The following PRKCA variants were observed in gnomAD, a reference collection of about 807,000 sequenced individuals.
The protein encoded by PRKCA is protein kinase C alpha.
A neutral mutation model predicts 87.0 loss-of-function variants in PRKCA; 27 were observed. The ratio of observed to expected loss-of-function variants is 0.31; its 90% CI spans 0.23 to 0.43. The LOEUF (loss-of-function observed/expected upper bound fraction) is 0.43, where lower values mean the gene tolerates loss of function less well. Among genes scored for constraint, PRKCA ranks in the 20% least tolerant of loss-of-function variants. The probability of loss-of-function intolerance (pLI) is 1.00; values close to 1 mark genes in which losing one functional copy is unlikely to be tolerated. For synonymous variants in PRKCA, 329 were observed against 311.1 expected (o/e 1.06, Z -0.61); for missense variants, 518 against 852.3 (o/e 0.61, Z 4.88).
intron 3 of PRKCA, among the ~76,000 whole-genome samples, chr17:66,499,237 C>A (rs537956133): frequency 1.3e-5 from 2 of 151,868 alleles, no homozygotes; most frequent in African/African-American, 4.8e-5. Flanking sequence ...CAGGAGAGAG[C>A]TCTAAGGAAC....
intron 5 of PRKCA, among the ~76,000 whole-genome samples, chr17:66,671,484 C>T (rs1311692379): frequency 6.6e-6 from 1 of 152,144 alleles, no homozygotes; most frequent in East Asian, 1.9e-4. Flanking sequence ...TTAATATGTC[C>T]AAGGTGCTGA....
At chr17:66,329,831 G>A (rs1324309755) in intron 2 of PRKCA, among the ~76,000 whole-genome samples, 7 of 152,138 alleles carry the variant, frequency 4.6e-5, no homozygotes, top group East Asian at 1.9e-4. Context: ...AACACACCCC[G>A]TCATTTATCT....
chr17:66,361,460 C>T (rs1309951072), intron 2 of PRKCA, among the ~76,000 whole-genome samples: 2 of 151,788 alleles, frequency 1.3e-5, no homozygotes, highest in South Asian at 2.1e-4. Flanking sequence ...TACAGGCACC[C>T]GCCACCACGC....
chr17:66,732,904 A>G, intron 9 of PRKCA, 79 bp downstream of exon 9: 2 of 1,509,656 alleles, frequency 1.3e-6, no homozygotes, highest in Non-Finnish European at 1.8e-6. Context: ...CGTAGTTTGC[A>G]GAATAGCACA....
At chr17:66,341,959 T>C (rs1907066107) in intron 2 of PRKCA, among the ~76,000 whole-genome samples, 2 of 152,214 alleles carry the variant, frequency 1.3e-5, no homozygotes. Context: ...GTCATAGATA[T>C]AAGTGGTTTG....
intron 2 of PRKCA, among the ~76,000 whole-genome samples, chr17:66,308,680 A>G (rs1377412985): frequency 6.6e-6 from 1 of 152,064 alleles, no homozygotes; most frequent in Non-Finnish European, 1.5e-5. Flanking sequence ...TCTCATCTGT[A>G]TTTGACTTCT....
intron 2 of PRKCA, among the ~76,000 whole-genome samples, chr17:66,479,639 TGTG>T (rs1915688360): frequency 6.6e-6 from 1 of 152,152 alleles, no homozygotes; most frequent in Middle Eastern, 3.4e-3. Context: ...ATAAAGAAAA[TGTG>T]GTACATATAC....
chr17:66,580,856 C>G (rs1969406051), intron 3 of PRKCA, among the ~76,000 whole-genome samples: 1 of 152,068 alleles, frequency 6.6e-6, no homozygotes, highest in Admixed American at 6.5e-5. Flanking sequence ...TTAATTTTGC[C>G]TGTTTTTTGG....
intron 3 of PRKCA, among the ~76,000 whole-genome samples, chr17:66,517,067 C>T (rs1255681521): frequency 5.9e-5 from 9 of 152,238 alleles, no homozygotes; most frequent in East Asian, 3.9e-4. Flanking sequence ...GGGCGGATCA[C>T]GAGGTCAAGA....
chr17:66,342,421 CA>C (rs1383795495), intron 2 of PRKCA, among the ~76,000 whole-genome samples: 2 of 135,530 alleles, frequency 1.5e-5, no homozygotes, highest in African/African-American at 2.8e-5. Flanking sequence ...GACTCCATCT[CA>C]AAAAAAATAA....
intron 3 of PRKCA, among the ~76,000 whole-genome samples, chr17:66,498,664 A>G (rs1338717334): frequency 6.6e-6 from 1 of 152,228 alleles, no homozygotes; most frequent in Non-Finnish European, 1.5e-5. Flanking sequence ...GGATACAGGT[A>G]CACTGAGCAG....
intron 16 of PRKCA, chr17:66,796,817 C>A: frequency 1.0e-6 from 1 of 985,334 alleles, no homozygotes; most frequent in Non-Finnish European, 1.2e-6. Context: ...TCCACTGTAC[C>A]CCAGCACTGG....
chr17:66,679,626 A>G (rs913785811), intron 5 of PRKCA, among the ~76,000 whole-genome samples: 6 of 152,282 alleles, frequency 3.9e-5, no homozygotes, highest in African/African-American at 1.2e-4. Flanking sequence ...GCACTGCAAG[A>G]TGTGTGTTCA....
intron 2 of PRKCA, among the ~76,000 whole-genome samples, chr17:66,423,787 T>C (rs571595308): frequency 6.6e-6 from 1 of 150,960 alleles, no homozygotes; most frequent in Admixed American, 6.7e-5. Context: ...CTCTAATTAG[T>C]CTGGGAGCGC....
intron 8 of PRKCA, among the ~76,000 whole-genome samples, chr17:66,719,356 C>T (rs944937326): frequency 6.6e-6 from 1 of 152,100 alleles, no homozygotes; most frequent in Admixed American, 6.5e-5. Context: ...ATCTGTATCA[C>T]ATAGGAAATC....
intron 3 of PRKCA, among the ~76,000 whole-genome samples, chr17:66,562,887 T>G (rs1286445789): frequency 2.6e-5 from 4 of 152,302 alleles, no homozygotes; most frequent in African/African-American, 9.6e-5. Context: ...ATGAACACTG[T>G]GCCTGGCCAG....
At position 66,592,045 on chromosome 17, in the gene PRKCA, C is replaced by G. The variant is rs540652593; in HGVS notation, c.289-49310C>G. ...AACATCAGAGTAAATTTTAATTTTTCTAAATAAAGACATTATTAAAAGTTA... is the reference window on the plus strand; with the variant it reads ...AACATCAGAGTAAATTTTAATTTTTGTAAATAAAGACATTATTAAAAGTTA... On this transcript the variant is annotated intron_variant, in intron 3 of 16. Coordinates refer to ENST00000413366, the MANE Select transcript of PRKCA (RefSeq NM_002737.3). Among the ~76,000 whole-genome samples, 22 of 152,090 alleles carry G rather than the reference C, an allele frequency of 1.4e-4. No homozygotes were observed. In the East Asian group the frequency reaches 4.1e-3, roughly 28 times the overall value.
intron 2 of PRKCA, among the ~76,000 whole-genome samples, chr17:66,441,537 A>G (rs1299983254): frequency 1.3e-5 from 2 of 151,996 alleles, no homozygotes. Context: ...GAAAATGTTT[A>G]TTTTTGTACA....
At chr17:66,703,209 TTAAAACACAAATACA>T (rs1973104065) in intron 8 of PRKCA, 1 of 152,234 alleles carries the variant, frequency 6.6e-6, no homozygotes, top group Non-Finnish European at 1.5e-5. Context: ...TAAATAACAC[TTAAAACACAAATACA>T]TTGTATAGCT....
Sources: allele counts gnomAD v4.1 joint callset (sites outside exome capture counted in the v4.1 genomes callset), GRCh38; gene constraint gnomAD v4.1.1; transcripts MANE v1.5; gene names NCBI Gene and HGNC (gene_info 2026-07-23, HGNC 2026-07-21).